Variants in CSMD2 observed in about 807,000 individuals in gnomAD.
CSMD2 encodes CUB and Sushi multiple domains 2.
In CSMD2, 130 loss-of-function variants were observed where a neutral mutation model predicts 398.5. The ratio of observed to expected loss-of-function variants is 0.33; its 90% confidence interval spans 0.28 to 0.38. The LOEUF (loss-of-function observed/expected upper bound fraction) is 0.38. CSMD2 is among the 10% of genes least tolerant of loss of function. The probability of loss-of-function intolerance (pLI) is 1.00; values close to 1 mark genes in which losing one functional copy is unlikely to be tolerated. For missense variants in CSMD2, 3,829 were observed against 4,764.9 expected (o/e 0.80, Z 5.78); for synonymous variants, 1,828 against 1,908.5 (o/e 0.96, Z 1.10).
intron 1 of CSMD2, among the ~76,000 whole-genome samples, chr1:34,090,007 C>T (rs1658370341): frequency 6.6e-6 from 1 of 152,174 alleles, no homozygotes; most frequent in African/African-American, 2.4e-5. Context: ...GTCAATTCTG[C>T]CTTCTGGTCC....
chr1:33,993,575 G>T lies in CSMD2; in HGVS notation c.517+39019C>A, dbSNP rs867914447. 9.9e-5 allele frequency among the ~76,000 whole-genome samples: 15 copies of T among 151,982 alleles called. 1 individual carries two copies. The South Asian group carries it at 2.1e-3, about 21-fold the overall frequency. On this transcript the variant is annotated intron_variant, in intron 3 of 70. Transcript: ENST00000373381. ...CAGCCAGCCTCTCCCTCTCTCTCTC[G>T]TCACTTCTTTTTTCCTTTGCTACTT... is the stretch of plus-strand genomic sequence containing the variant.
chr1:34,005,844 A>G (rs1647037548), intron 3 of CSMD2, among the ~76,000 whole-genome samples: 1 of 152,190 alleles, frequency 6.6e-6, no homozygotes, highest in African/African-American at 2.4e-5. Flanking sequence ...ATAAGCATCA[A>G]TCATGCACAC....
At chr1:34,002,267 A>G (rs1646927800) in intron 3 of CSMD2, among the ~76,000 whole-genome samples, 1 of 152,240 alleles carries the variant, frequency 6.6e-6, no homozygotes, top group South Asian at 2.1e-4. Flanking sequence ...TCATATTTAT[A>G]TTCTTACTGT....
chr1:33,741,959 G>A (rs746257374), intron 14 of CSMD2, among the ~76,000 whole-genome samples: 43 of 152,296 alleles, frequency 2.8e-4, no homozygotes, highest in African/African-American at 4.3e-4. Context: ...CTTCCATTCC[G>A]TAAACATTTG....
At position 33,663,104 on chromosome 1, in the gene CSMD2, G is replaced by A; in HGVS notation, c.4053-12C>T. On this transcript the variant is annotated splice_polypyrimidine_tract_variant and intron_variant, in intron 25 of 70. Transcript: ENST00000373381. ...CCAGGAAGTGTAGCCTGCACGGAGA[G>A]AAGAGGCAGTGGTCATCTGGACTCA... 1.2e-6 allele frequency: 2 copies of A among 1,612,074 alleles called. No homozygotes were observed. The highest frequency in any genetic ancestry group is 8.5e-7 in the Non-Finnish European group (1 of 1,178,256).
intron 2 of CSMD2, among the ~76,000 whole-genome samples, chr1:34,038,016 T>G (rs999065395): frequency 3.3e-5 from 5 of 152,166 alleles, no homozygotes; most frequent in Admixed American, 3.3e-4. Context: ...GTAGATAAAT[T>G]CCAGCAGGGA....
chr1:33,755,420 G>A (rs1000629684), intron 13 of CSMD2, among the ~76,000 whole-genome samples: 1 of 152,126 alleles, frequency 6.6e-6, no homozygotes, highest in Non-Finnish European at 1.5e-5. Context: ...CTAGTTACTG[G>A]GCAGGGCTTA....
intron 5 of CSMD2, among the ~76,000 whole-genome samples, chr1:33,904,728 G>A (rs547745569): frequency 6.7e-4 from 96 of 142,976 alleles, no homozygotes; most frequent in African/African-American, 2.4e-3. Context: ...GCAGTGGCAC[G>A]ATCTCACTGC....
At chr1:33,705,719 G>C (rs1645752889) in intron 22 of CSMD2, among the ~76,000 whole-genome samples, 2 of 150,454 alleles carry the variant, frequency 1.3e-5, no homozygotes, top group South Asian at 4.2e-4. Flanking sequence ...AGATTTCTTG[G>C]CTTACAGTTG....
intron 32 of CSMD2, among the ~76,000 whole-genome samples, chr1:33,627,329 G>A (rs891778952): frequency 3.3e-5 from 5 of 152,160 alleles, no homozygotes; most frequent in Non-Finnish European, 5.9e-5. Flanking sequence ...AGATGGGCCA[G>A]GGGAGAGACA....
chr1:33,626,467 G>A lies in CSMD2; in HGVS notation c.5296+19C>T, dbSNP rs752827146. Reference sequence around the variant, plus strand: ...AACCGAGATCACCTTCCTACCTCCGGCGTCCATGTCCTCCATACCTTGGTA... The same window carrying A: ...AACCGAGATCACCTTCCTACCTCCGACGTCCATGTCCTCCATACCTTGGTA... On this transcript the variant is annotated intron_variant, in intron 33 of 70. Coordinates refer to ENST00000373381, the MANE Select transcript of CSMD2 (RefSeq NM_001281956.2). 2 of 1,561,628 alleles carry A rather than the reference G, an allele frequency of 1.3e-6. No individual in the cohort carries two copies. The highest frequency in any genetic ancestry group is 1.9e-5 in the Admixed American group (1 of 52,810).
intron 12 of CSMD2, among the ~76,000 whole-genome samples, chr1:33,779,073 C>T (rs1007268913): frequency 7.2e-5 from 11 of 152,138 alleles, no homozygotes; most frequent in Non-Finnish European, 8.8e-5. Flanking sequence ...CAAAGGAGCA[C>T]AAGATCACTC....
chr1:33,846,115 C>T (rs146185363), intron 6 of CSMD2, among the ~76,000 whole-genome samples: 41 of 152,376 alleles, frequency 2.7e-4, no homozygotes, highest in African/African-American at 9.6e-4. Context: ...GGAATGTGCT[C>T]ATCCGCTCCC....
intron 2 of CSMD2, among the ~76,000 whole-genome samples, chr1:34,069,425 G>T (rs976360516): frequency 2.0e-5 from 3 of 152,160 alleles, no homozygotes; most frequent in African/African-American, 4.8e-5. Flanking sequence ...CAGGCTAACC[G>T]TGGGTGCTTG....
intron 13 of CSMD2, among the ~76,000 whole-genome samples, chr1:33,747,160 A>G (rs1308071025): frequency 6.6e-6 from 1 of 152,250 alleles, no homozygotes; most frequent in Non-Finnish European, 1.5e-5. Flanking sequence ...CAAGTAGGAT[A>G]AAGTTGAGGT....
chr1:33,613,063 C>G (rs1641135294), intron 40 of CSMD2, among the ~76,000 whole-genome samples: 1 of 152,208 alleles, frequency 6.6e-6, no homozygotes, highest in African/African-American at 2.4e-5. Context: ...CTGTGACCGC[C>G]ATCTAGTGGA....
intron 1 of CSMD2, among the ~76,000 whole-genome samples, chr1:34,101,684 G>A (rs775657143): frequency 1.6e-4 from 24 of 152,088 alleles, no homozygotes; most frequent in Middle Eastern, 6.8e-3. Context: ...TTTGGAACTA[G>A]CTGATCAAAT....
chr1:33,561,908 G>A (rs2148664327), intron 53 of CSMD2, among the ~76,000 whole-genome samples: 1 of 152,302 alleles, frequency 6.6e-6, no homozygotes, highest in African/African-American at 2.4e-5. Context: ...TTTGGAAAAG[G>A]TCGTGATGCC....
intron 5 of CSMD2, among the ~76,000 whole-genome samples, chr1:33,912,285 G>T (rs879664971): frequency 6.6e-6 from 1 of 152,102 alleles, no homozygotes; most frequent in Non-Finnish European, 1.5e-5. Context: ...GAGAGACTGG[G>T]AACCACTGGC....
Sources: allele counts gnomAD v4.1 joint callset (sites outside exome capture counted in the v4.1 genomes callset), GRCh38; gene constraint gnomAD v4.1.1; transcripts MANE v1.5; gene names NCBI Gene and HGNC (gene_info 2026-07-23, HGNC 2026-07-21).